Variants in ADGRL2 observed in about 807,000 individuals in gnomAD.
ADGRL2 encodes adhesion G protein-coupled receptor L2.
Under a neutral mutation model 157.4 loss-of-function variants are expected in ADGRL2, and 44 were observed. The ratio of observed to expected loss-of-function variants is 0.28; its 90% CI spans 0.22 to 0.36. The LOEUF is 0.36. Among genes scored for constraint, ADGRL2 ranks in the 10% least tolerant of loss-of-function variants. ADGRL2 has a pLI of 1.00. For synonymous variants in ADGRL2, 585 were observed against 624.7 expected (o/e 0.94, Z 0.95); for missense variants, 1,510 against 1,768.9 (o/e 0.85, Z 2.63).
At chr1:81,762,506 G>C (rs1026163790) in intron 2 of ADGRL2, among the ~76,000 whole-genome samples, 6 of 151,986 alleles carry the variant, frequency 3.9e-5, no homozygotes, top group African/African-American at 1.4e-4. Context: ...ATATGGGAAA[G>C]GTCAGTGTAA....
chr1:81,704,749 A>G (rs1364414676), intron 1 of ADGRL2, among the ~76,000 whole-genome samples: 2 of 152,210 alleles, frequency 1.3e-5, no homozygotes, highest in Non-Finnish European at 2.9e-5. Context: ...TTAATTCAAA[A>G]CCAAAGATAT....
intron 2 of ADGRL2, among the ~76,000 whole-genome samples, chr1:81,791,745 T>A (rs529848580): frequency 6.6e-6 from 1 of 152,294 alleles, no homozygotes; most frequent in Non-Finnish European, 1.5e-5. Context: ...AAAATAAAAT[T>A]GATAACTTGT....
At chr1:81,440,749 T>C (rs1050606708) in intron 1 of ADGRL2, among the ~76,000 whole-genome samples, 2 of 152,244 alleles carry the variant, frequency 1.3e-5, no homozygotes, top group Admixed American at 6.5e-5. Context: ...CAATTTCTTC[T>C]GTGAGGCTCC....
chr1:81,386,752 T>G (rs1456766195), intron 1 of ADGRL2, among the ~76,000 whole-genome samples: 1 of 152,204 alleles, frequency 6.6e-6, no homozygotes, highest in Non-Finnish European at 1.5e-5. Context: ...TTCTCATGAA[T>G]AGAATATACT....
intron 1 of ADGRL2, among the ~76,000 whole-genome samples, chr1:81,734,664 C>A (rs970664952): frequency 6.8e-6 from 1 of 147,960 alleles, no homozygotes; most frequent in African/African-American, 2.5e-5. Context: ...TACCAATGAC[C>A]TCCATGCACA....
intron 1 of ADGRL2, among the ~76,000 whole-genome samples, chr1:81,717,712 T>G (rs2084163529): frequency 6.6e-6 from 1 of 152,232 alleles, no homozygotes; most frequent in Non-Finnish European, 1.5e-5. Context: ...CCATTGACAC[T>G]AATGGGAATT....
chr1:81,719,528 C>T (rs916964026), intron 1 of ADGRL2, among the ~76,000 whole-genome samples: 15 of 152,086 alleles, frequency 9.9e-5, no homozygotes, highest in Non-Finnish European at 2.1e-4. Flanking sequence ...TATTTGTTGG[C>T]TGTTATCATG....
At chr1:81,769,810 T>C (rs1452468719) in intron 2 of ADGRL2, among the ~76,000 whole-genome samples, 1 of 152,066 alleles carries the variant, frequency 6.6e-6, no homozygotes, top group Non-Finnish European at 1.5e-5. Flanking sequence ...TACAAGCATA[T>C]GGTCAACTCT....
intron 2 of ADGRL2, among the ~76,000 whole-genome samples, chr1:81,791,142 A>AG (rs1248966597): frequency 4.0e-5 from 6 of 150,020 alleles, no homozygotes. Flanking sequence ...TCTAAGTTCT[A>AG]GAAAGGAGTT....
chr1:81,462,607 C>G (rs1189478217), intron 2 of ADGRL2, among the ~76,000 whole-genome samples: 8 of 152,242 alleles, frequency 5.3e-5, no homozygotes, highest in Admixed American at 4.6e-4. Flanking sequence ...GTAGTGTGGT[C>G]CGATTTTTAC....
At chr1:81,592,619 T>G (rs1158160789) in intron 3 of ADGRL2, among the ~76,000 whole-genome samples, 2 of 152,010 alleles carry the variant, frequency 1.3e-5, no homozygotes, top group Non-Finnish European at 2.9e-5. Flanking sequence ...TAAAACTAAT[T>G]TATTGAGGGA....
intron 1 of ADGRL2, among the ~76,000 whole-genome samples, chr1:81,317,362 T>A (rs1406868043): frequency 6.6e-6 from 1 of 152,142 alleles, no homozygotes; most frequent in Non-Finnish European, 1.5e-5. Flanking sequence ...TTTTCATCCC[T>A]CAGAACTCTC....
chr1:81,973,478 G>A (rs1351723735), intron 17 of ADGRL2, among the ~76,000 whole-genome samples: 1 of 151,986 alleles, frequency 6.6e-6, no homozygotes, highest in Non-Finnish European at 1.5e-5. Context: ...GGCCAATGAG[G>A]CTATCATGTG....
chr1:81,836,422 A>C (rs1237750420), intron 1 of ADGRL2, among the ~76,000 whole-genome samples: 1 of 152,056 alleles, frequency 6.6e-6, no homozygotes, highest in African/African-American at 2.4e-5. Flanking sequence ...TCCTCACACG[A>C]CCTCAGAAAG....
chr1:81,675,853 T>A (rs1173902978), intron 3 of ADGRL2, among the ~76,000 whole-genome samples: 2 of 152,164 alleles, frequency 1.3e-5, no homozygotes, highest in Non-Finnish European at 2.9e-5. Flanking sequence ...GTGCTGGGAT[T>A]ACAGGCATGA....
At chr1:81,439,175 C>T (rs2077462758) in intron 1 of ADGRL2, among the ~76,000 whole-genome samples, 1 of 152,202 alleles carries the variant, frequency 6.6e-6, no homozygotes, top group Non-Finnish European at 1.5e-5. Context: ...CCAAATTTAA[C>T]TCTGTGCCCA....
intron 1 of ADGRL2, among the ~76,000 whole-genome samples, chr1:81,393,101 A>G (rs1367638247): frequency 3.9e-5 from 6 of 152,086 alleles, no homozygotes; most frequent in African/African-American, 1.4e-4. Context: ...TTTCTCTCCA[A>G]TGGAGATCTA....
At chr1:81,982,226 G>T (rs547829499) in intron 19 of ADGRL2, among the ~76,000 whole-genome samples, 3 of 151,902 alleles carry the variant, frequency 2.0e-5, no homozygotes, top group South Asian at 2.1e-4. Flanking sequence ...TTCCTTGCTC[G>T]TAGGGTCTAT....
intron 2 of ADGRL2, chr1:81,502,770 G>C: frequency 6.2e-7 from 1 of 1,613,270 alleles, no homozygotes; most frequent in African/African-American, 1.3e-5. Flanking sequence ...AGAGCCGGCG[G>C]CCCAGCTACA....
Sources: allele counts gnomAD v4.1 joint callset (sites outside exome capture counted in the v4.1 genomes callset), GRCh38; gene constraint gnomAD v4.1.1; transcripts MANE v1.5; gene names NCBI Gene and HGNC (gene_info 2026-07-23, HGNC 2026-07-21).